The following UNC13C variants were observed in gnomAD, a reference collection of about 807,000 sequenced individuals.
UNC13C encodes the protein unc-13 homolog C.
Under a neutral mutation model 245.4 loss-of-function variants are expected in UNC13C, and 174 were observed. That is an observed-to-expected ratio of 0.71 (90% CI 0.63 to 0.80). The LOEUF (loss-of-function observed/expected upper bound fraction) is 0.80. UNC13C is among the 30% of genes least tolerant of loss of function. UNC13C has a pLI of 0.00. For missense variants in UNC13C, 2,829 were observed against 2,602.9 expected, an observed-to-expected ratio of 1.09 and a Z score of -1.89; for synonymous variants, 992 against 895.1, an observed-to-expected ratio of 1.11 and a Z score of -1.93.
chr15:54,596,897 G>T (rs112888598), intron 30 of UNC13C, among the ~76,000 whole-genome samples: 5 of 152,240 alleles, frequency 3.3e-5, no homozygotes, highest in African/African-American at 1.2e-4. Context: ...TGCCATGCTT[G>T]TATAGCCTGC....
intron 4 of UNC13C, among the ~76,000 whole-genome samples, chr15:54,199,117 G>A (rs182557888): frequency 1.5e-4 from 23 of 151,970 alleles, no homozygotes; most frequent in African/African-American, 5.1e-4. Context: ...CAGGCTTTCC[G>A]AGTTAACCCA....
rs1215780765 is a variant in UNC13C, at chr15:54,465,821, C to A, written c.4934-28787C>A. Among the ~76,000 whole-genome samples the A allele has an allele frequency of 2.6e-5, 4 of 151,944 alleles. No individual in the cohort carries two copies. The East Asian group carries it at 7.7e-4, about 29-fold the overall frequency. The stretch of plus-strand genomic sequence containing the variant: ...TATCAGGTTAAGACTACATAAGAAG[C>A]AATGTAAGGAGCATGATGTTGCATA... On this transcript the variant is annotated intron_variant, in intron 19 of 32. Transcript: ENST00000260323.
intron 13 of UNC13C, among the ~76,000 whole-genome samples, chr15:54,312,949 G>A (rs559305621): frequency 7.9e-5 from 12 of 151,908 alleles, no homozygotes; most frequent in African/African-American, 2.7e-4. Flanking sequence ...TCTTTGATTG[G>A]TAACCTTAAT....
intron 19 of UNC13C, among the ~76,000 whole-genome samples, chr15:54,424,244 T>TA (rs893869242): frequency 1.3e-5 from 2 of 151,844 alleles, no homozygotes; most frequent in Non-Finnish European, 2.9e-5. Flanking sequence ...AATATTTCGG[T>TA]AAAAAAATCT....
chr15:54,463,387 A>T lies in UNC13C; in HGVS notation c.4934-31221A>T, dbSNP rs1596421601. On this transcript the variant is annotated intron_variant, in intron 19 of 32. Coordinates refer to ENST00000260323, the MANE Select transcript of UNC13C (RefSeq NM_001080534.3). ...GCTTTGTTCTTTCGCTCTTTGCAGTAAATCTTACTGCTGCTCACTCTTTGG... is the reference window on the plus strand; with the variant it reads ...GCTTTGTTCTTTCGCTCTTTGCAGTTAATCTTACTGCTGCTCACTCTTTGG... 2.7e-5 allele frequency among the ~76,000 whole-genome samples: 4 copies of T among 149,704 alleles called. No homozygotes were observed. In the Middle Eastern group the frequency reaches 0.011, roughly 401 times the overall value.
chr15:54,562,004 T>C (rs1346211597), intron 29 of UNC13C, among the ~76,000 whole-genome samples: 1 of 151,918 alleles, frequency 6.6e-6, no homozygotes, highest in Non-Finnish European at 1.5e-5. Context: ...TGAGAAAGCA[T>C]GGTTCCACCA....
rs1414444134 is a variant in UNC13C, at chr15:54,546,736, C to G, written c.5711C>G (p.Ala1904Gly). ...DFLDKTLSLS[A>G]KICEKTVLKR... The stretch of plus-strand genomic sequence containing the variant: ...TTTTTTTTCAGATTAAGTCTCTCAG[C>G]AAAAATCTGTGAGAAAACAGTCCTA... The change falls in exon 27 of 33, where the codon GCA (alanine) becomes GGA (glycine). Residue 1904 changes from alanine (A) to glycine (G), a missense_variant. Coordinates refer to ENST00000260323, the MANE Select transcript of UNC13C (RefSeq NM_001080534.3). The G allele has an allele frequency of 1.3e-6, 2 of 1,503,674 alleles. No individual in the cohort carries two copies. Among genetic ancestry groups the G allele is most frequent in the Non-Finnish European group, 1.8e-6 (2 of 1,125,574 alleles). 93.1% of individuals were successfully genotyped at this position (1,503,674 alleles called of 1,614,324 possible).
At chr15:54,507,320 A>G in intron 23 of UNC13C, 126 bp downstream of exon 23, 1 of 649,660 alleles carries the variant, frequency 1.5e-6, no homozygotes, top group Admixed American at 3.0e-5. Context: ...TAAGGATCTT[A>G]AGAAGCTGGA....
the UNC13C span, among the ~76,000 whole-genome samples, chr15:53,924,057 A>G: frequency 3.6e-4 from 55 of 152,258 alleles, no homozygotes; most frequent in Non-Finnish European, 6.0e-4. Flanking sequence ...ACACAAAAAA[A>G]TTAGCCGGGT....
At chr15:54,092,556 G>A (rs1249290388) in intron 2 of UNC13C, among the ~76,000 whole-genome samples, 1 of 152,148 alleles carries the variant, frequency 6.6e-6, no homozygotes, top group Non-Finnish European at 1.5e-5. Flanking sequence ...CACATTTAGT[G>A]TTGGAGCCAA....
intron 18 of UNC13C, among the ~76,000 whole-genome samples, chr15:54,411,418 T>C (rs1265777935): frequency 6.6e-6 from 1 of 152,228 alleles, no homozygotes; most frequent in Non-Finnish European, 1.5e-5. Context: ...TTGCCTAATA[T>C]AAGGTCATAA....
intron 30 of UNC13C, among the ~76,000 whole-genome samples, chr15:54,588,397 G>T (rs1382093369): frequency 2.0e-5 from 3 of 152,166 alleles, no homozygotes; most frequent in Non-Finnish European, 4.4e-5. Context: ...GTAAAATGAG[G>T]TTGACAGTAG....
chr15:53,865,136 A>G, the UNC13C span, among the ~76,000 whole-genome samples: 1 of 152,202 alleles, frequency 6.6e-6, no homozygotes, highest in Non-Finnish European at 1.5e-5. Flanking sequence ...TTCTACTTTG[A>G]TGGATATTTA....
chr15:54,242,432 A>G (rs570608102), intron 7 of UNC13C, among the ~76,000 whole-genome samples: 2 of 152,260 alleles, frequency 1.3e-5, no homozygotes, highest in South Asian at 4.1e-4. Context: ...ATACCATCAA[A>G]TTGTTTATAT....
intron 10 of UNC13C, among the ~76,000 whole-genome samples, chr15:54,276,870 G>A (rs915611689): frequency 6.6e-6 from 1 of 151,840 alleles, no homozygotes; most frequent in South Asian, 2.1e-4. Context: ...CCTAAGTTTT[G>A]AGCTACTTAA....
At chr15:54,064,152 G>A (rs1897968639) in intron 2 of UNC13C, among the ~76,000 whole-genome samples, 1 of 151,712 alleles carries the variant, frequency 6.6e-6, no homozygotes, top group African/African-American at 2.4e-5. Context: ...TCTCACGAAA[G>A]ATACTTAACC....
At chr15:54,326,726 C>G (rs2038306429) in intron 14 of UNC13C, among the ~76,000 whole-genome samples, 1 of 151,886 alleles carries the variant, frequency 6.6e-6, no homozygotes, top group Non-Finnish European at 1.5e-5. Flanking sequence ...TTAATAGCAC[C>G]TTTCAGTTAA....
rs1891412782 is a variant in UNC13C at position 54,455,172 on chromosome 15, T to TCTCTCC, written c.4934-39431_4934-39430insCCTCTC. ...TATGGCTGAGTCATATTCCTCTCTC[T>TCTCTCC]CTCTCTCTCTCTCTCTCTCTCTCTC... On this transcript the variant is annotated intron_variant, in intron 19 of 32. Transcript: ENST00000260323. Among the ~76,000 whole-genome samples the TCTCTCC allele has an allele frequency of 1.4e-4, 4 of 28,144 alleles. No homozygotes were observed. The Admixed American group carries it at 1.5e-3, about 11-fold the overall frequency. 18.5% of individuals were successfully genotyped at this position (28,144 alleles called of 152,430 possible).
chr15:54,098,581 C>G (rs1900002659), intron 2 of UNC13C, among the ~76,000 whole-genome samples: 1 of 152,124 alleles, frequency 6.6e-6, no homozygotes, highest in African/African-American at 2.4e-5. Context: ...TAAGAATAAA[C>G]ATGTTGTTTC....
Sources: allele counts gnomAD v4.1 joint callset (sites outside exome capture counted in the v4.1 genomes callset), GRCh38; gene constraint gnomAD v4.1.1; transcripts MANE v1.5; gene names NCBI Gene and HGNC (gene_info 2026-07-23, HGNC 2026-07-21).